Variants in CFAP96 observed in about 807,000 individuals in gnomAD.
The protein encoded by CFAP96 is cilia-and flagella-associated protein 96.
chr4:185,425,895 G>C, the CFAP96 span: 1 of 1,593,844 alleles, frequency 6.3e-7, no homozygotes, highest in Non-Finnish European at 8.5e-7. Context: ...TGACACGGGC[G>C]CTGACGCCTG....
the CFAP96 span, chr4:185,426,036 C>T: frequency 1.4e-6 from 1 of 722,708 alleles, no homozygotes. Context: ...ACCGCAGTCC[C>T]TCGCGGACGG....
chr4:185,440,642 T>C, the CFAP96 span: 1 of 1,518,654 alleles, frequency 6.6e-7, no homozygotes, highest in Non-Finnish European at 8.9e-7. Context: ...TTCTGAGGAA[T>C]CTTTACCACC....
the CFAP96 span, chr4:185,449,665 T>G: frequency 6.7e-7 from 1 of 1,493,002 alleles, no homozygotes; most frequent in Non-Finnish European, 9.1e-7. Context: ...ACAAGTAGCT[T>G]TCTAGATCTT....
chr4:185,448,053 T>C, the CFAP96 span, among the ~76,000 whole-genome samples: 1 of 152,158 alleles, frequency 6.6e-6, no homozygotes, highest in Non-Finnish European at 1.5e-5. Flanking sequence ...GGAGTTTCAC[T>C]CTTGTCACCC....
the CFAP96 span, among the ~76,000 whole-genome samples, chr4:185,444,658 T>C: frequency 6.6e-6 from 1 of 152,196 alleles, no homozygotes; most frequent in Non-Finnish European, 1.5e-5. Context: ...CCCTTACTAA[T>C]AGACTCACTT....
the CFAP96 span, chr4:185,444,959 C>A: frequency 6.5e-7 from 1 of 1,542,304 alleles, no homozygotes; most frequent in African/African-American, 1.4e-5. Context: ...CGTTTTTCTT[C>A]GCAGCCTGGT....
chr4:185,418,916 T>C, the CFAP96 span: 4 of 644,200 alleles, frequency 6.2e-6, no homozygotes, highest in East Asian at 2.9e-5. Context: ...TTTGCCTATC[T>C]TTTTAAAAAA....
chr4:185,418,803 A>G, the CFAP96 span: 2 of 1,528,454 alleles, frequency 1.3e-6, no homozygotes, highest in Non-Finnish European at 1.8e-6. Context: ...GAAGTTAAGA[A>G]AAACAAATTT....
At chr4:185,431,323 T>G in the CFAP96 span, among the ~76,000 whole-genome samples, 1 of 152,090 alleles carries the variant, frequency 6.6e-6, no homozygotes. Flanking sequence ...TCTCCTCAAA[T>G]AGAGCTCTCC....
chr4:185,446,210 A>C, the CFAP96 span, among the ~76,000 whole-genome samples: 2 of 152,232 alleles, frequency 1.3e-5, no homozygotes, highest in African/African-American at 2.4e-5. Flanking sequence ...AGAACTAATC[A>C]GCTAAAGACA....
the CFAP96 span, among the ~76,000 whole-genome samples, chr4:185,424,158 T>G: frequency 6.8e-6 from 1 of 148,110 alleles, no homozygotes; most frequent in Non-Finnish European, 1.5e-5. Context: ...AAAAAAAAAA[T>G]TAGCTGAGTG....
At chr4:185,442,793 GT>G in the CFAP96 span, among the ~76,000 whole-genome samples, 1 of 152,080 alleles carries the variant, frequency 6.6e-6, no homozygotes, top group Non-Finnish European at 1.5e-5. Context: ...ATCAAATGGT[GT>G]AATCTATTTA....
chr4:185,428,999 ACTT>A, the CFAP96 span, among the ~76,000 whole-genome samples: 1 of 152,226 alleles, frequency 6.6e-6, no homozygotes, highest in Non-Finnish European at 1.5e-5. Context: ...TCTACCCTGA[ACTT>A]CTCAAAAGAA....
the CFAP96 span, among the ~76,000 whole-genome samples, chr4:185,424,579 T>C: frequency 2.0e-5 from 3 of 152,332 alleles, no homozygotes; most frequent in East Asian, 5.8e-4. Context: ...AGCTTCATGT[T>C]GTCCATTTAT....
At chr4:185,445,367 G>T in the CFAP96 span, 76 of 777,726 alleles carry the variant, frequency 9.8e-5, no homozygotes, top group Middle Eastern at 1.2e-3. Flanking sequence ...ACCATTCTGT[G>T]CATAATTTTT....
At chr4:185,415,358 A>G in the CFAP96 span, 49 of 1,562,040 alleles carry the variant, frequency 3.1e-5, no homozygotes, top group African/African-American at 4.0e-4. Flanking sequence ...CTGTGGGGGG[A>G]AATATATAAG....
At chr4:185,427,534 T>C in the CFAP96 span, among the ~76,000 whole-genome samples, 2 of 151,178 alleles carry the variant, frequency 1.3e-5, no homozygotes, top group African/African-American at 4.9e-5. Flanking sequence ...CCGAGGCAGG[T>C]GAATCACTTG....
At chr4:185,445,298 G>T in the CFAP96 span, 1 of 714,682 alleles carries the variant, frequency 1.4e-6, no homozygotes. Flanking sequence ...CTCCCTTGTA[G>T]AAGTTCTCCC....
At chr4:185,436,094 T>C in the CFAP96 span, 2 of 1,551,218 alleles carry the variant, frequency 1.3e-6, no homozygotes, top group Admixed American at 2.0e-5. Context: ...CAGTCCCATT[T>C]TTCAGCGCAC....
Sources: allele counts gnomAD v4.1 joint callset (sites outside exome capture counted in the v4.1 genomes callset), GRCh38; gene constraint gnomAD v4.1.1; transcripts MANE v1.5; gene names NCBI Gene and HGNC (gene_info 2026-07-23, HGNC 2026-07-21).